Variants in IKBKE observed in about 807,000 individuals in gnomAD.
IKBKE encodes inhibitor of nuclear factor kappa-B kinase subunit epsilon.
IKBKE carries 45 observed loss-of-function variants against 92.1 expected under a neutral mutation model. That is an observed-to-expected ratio of 0.49 (90% CI 0.38 to 0.63). IKBKE has a LOEUF of 0.63. IKBKE is among the 20% of genes least tolerant of loss of function. The pLI, the probability that IKBKE is intolerant of heterozygous loss-of-function variation, is 0.00. For missense variants in IKBKE, 700 were observed against 932.8 expected, an observed-to-expected ratio of 0.75 and a Z score of 3.25; for synonymous variants, 374 against 380.3, an observed-to-expected ratio of 0.98 and a Z score of 0.19.
rs781838508 is a variant in IKBKE at position 206,474,801 on chromosome 1, T to C, written c.229-64T>C. The C allele has an allele frequency of 3.2e-6, 5 of 1,584,138 alleles. No homozygotes were observed. The Admixed American group carries it at 8.6e-5, about 27-fold the overall frequency. On this transcript the variant is annotated intron_variant, in intron 4 of 21. Transcript: ENST00000581977. ...GGCTCTGGGCTCCAGGCTGAGCCACTTCTTCCTGGTGGGTGGGGAGGAGAA... is the reference window on the plus strand; with the variant it reads ...GGCTCTGGGCTCCAGGCTGAGCCACCTCTTCCTGGTGGGTGGGGAGGAGAA...
chr1:206,476,853 A>T lies in IKBKE; in HGVS notation c.701+15A>T. On this transcript the variant is annotated intron_variant, in intron 7 of 21. Coordinates refer to ENST00000581977, the MANE Select transcript of IKBKE (RefSeq NM_014002.4). This position sits in a 1 kb window ranked among gnomAD's most constrained non-coding sequence, Gnocchi z 5.1. ...AAGGAGATCATGTACGGTGGGCCAC[A>T]GGGCAGGGAATGGGGCGGACTGGCA... The T allele has an allele frequency of 6.2e-7, 1 of 1,613,926 alleles. No homozygotes were observed. Among genetic ancestry groups the T allele is most frequent in the Non-Finnish European group, 8.5e-7 (1 of 1,179,814 alleles).
chr1:206,492,304 TC>T (rs1665985407), intron 18 of IKBKE: 1 of 392,952 alleles, frequency 2.5e-6, no homozygotes, highest in Admixed American at 3.2e-5. Flanking sequence ...CCACTCTCCA[TC>T]CCCTGCCTGT....
intron 17 of IKBKE, 44 bp from the exon 18 acceptor site, chr1:206,491,604 T>C (rs1247994286): frequency 1.5e-6 from 2 of 1,377,212 alleles, no homozygotes; most frequent in South Asian, 1.2e-5. Flanking sequence ...TTGTGCATAG[T>C]GGTTCTGGCA....
At position 206,490,751 on chromosome 1, in the gene IKBKE, G is replaced by C; in HGVS notation, c.1694-68G>C. On this transcript the variant is annotated intron_variant, in intron 16 of 21. Coordinates refer to ENST00000581977, the MANE Select transcript of IKBKE (RefSeq NM_014002.4). This position sits in a 1 kb window ranked among gnomAD's most constrained non-coding sequence, Gnocchi z 5.2. ...CGTCTTCATCTTTTAACTGTCTCTCGACCTTTGCTGCACACTGTTTCGTTG... is the reference window on the plus strand; with the variant it reads ...CGTCTTCATCTTTTAACTGTCTCTCCACCTTTGCTGCACACTGTTTCGTTG... The C allele has an allele frequency of 6.6e-7, 1 of 1,514,484 alleles. No individual in the cohort carries two copies. Among genetic ancestry groups the C allele is most frequent in the Non-Finnish European group, 9.2e-7 (1 of 1,089,486 alleles). 93.8% of individuals were successfully genotyped at this position (1,514,484 alleles called of 1,614,324 possible). A position where few individuals can be genotyped will look rare whatever the true frequency, so the allele number is the denominator to read the frequency against.
chr1:206,490,999 C>T lies in IKBKE; in HGVS notation c.1733+141C>T, dbSNP rs1387243785. The T allele has an allele frequency of 5.2e-6, 4 of 768,730 alleles. No individual in the cohort carries two copies. Among genetic ancestry groups the T allele is most frequent in the Non-Finnish European group, 9.1e-6 (4 of 441,168 alleles). 47.6% of individuals were successfully genotyped at this position (768,730 alleles called of 1,614,324 possible). A position where few individuals can be genotyped will look rare whatever the true frequency, so the allele number is the denominator to read the frequency against. On this transcript the variant is annotated intron_variant, in intron 17 of 21. Coordinates refer to ENST00000581977, the MANE Select transcript of IKBKE (RefSeq NM_014002.4). The surrounding 1 kb of genome is among the most constrained non-coding windows in gnomAD (Gnocchi z 5.2). ...AGCAGAGTTGGGGATAACAGGTTAT[C>T]TGGGGCCAGGGGAGGGAGTATGCAT...
Position 206,476,580 on chromosome 1 carries a change from TTC to T in IKBKE, c.541-96_541-95del, listed in dbSNP as rs1665075460. ...AGATGACAAAGAAGGATTTGAACAG[TTC>T]TGTTTTCACCTGCAGGCGGTGAAAG... On this transcript the variant is annotated intron_variant, in intron 6 of 21. Coordinates refer to ENST00000581977, the MANE Select transcript of IKBKE (RefSeq NM_014002.4). This position sits in a 1 kb window ranked among gnomAD's most constrained non-coding sequence, Gnocchi z 5.1. 4 of 1,418,146 alleles carry T rather than the reference TTC, an allele frequency of 2.8e-6. No homozygotes were observed. Among genetic ancestry groups the T allele is most frequent in the Non-Finnish European group, 3.9e-6 (4 of 1,025,616 alleles). The allele number at this position is 1,418,146 out of a possible 1,614,324, so 87.8% of individuals were successfully genotyped here.
Position 206,479,880 on chromosome 1 carries a change from C to A in IKBKE, c.1194C>A (p.Asp398Glu). The A allele has an allele frequency of 1.2e-6, 2 of 1,613,870 alleles. No homozygotes were observed. Among genetic ancestry groups the A allele is most frequent in the Non-Finnish European group, 1.7e-6 (2 of 1,179,984 alleles). ...KGLAFRDPAL[D>E]VPKFVPKVDL... ...GGTCTTTGTCTGCAGCTGCTCTGGA[C>A]GTCCCCAAGTTCGTCCCCAAAGTGG... Residue 398 changes from aspartate (D) to glutamate (E), a missense_variant, in exon 11 of 22, where the codon GAC (aspartate) becomes GAA (glutamate). By Grantham distance (45) the Asp-to-Glu change is conservative. Coordinates refer to ENST00000581977, the MANE Select transcript of IKBKE (RefSeq NM_014002.4).
rs552487696 is a variant in IKBKE, at chr1:206,474,666, T to C, written c.228+195T>C. On this transcript the variant is annotated intron_variant, in intron 4 of 21. Transcript: ENST00000581977. ...GGAAAGGAACGATGGACAGAATCAGTACCTAAGCAGAGGGCTTCCTGGAAT... is the reference window on the plus strand; with the variant it reads ...GGAAAGGAACGATGGACAGAATCAGCACCTAAGCAGAGGGCTTCCTGGAAT... 18 of 786,012 alleles carry C rather than the reference T, an allele frequency of 2.3e-5. No individual in the cohort carries two copies. The South Asian group carries it at 2.5e-4, about 11-fold the overall frequency. 48.7% of individuals were successfully genotyped at this position (786,012 alleles called of 1,614,324 possible).
Position 206,490,849 on chromosome 1 carries a change from A to G in IKBKE, c.1724A>G (p.Lys575Arg). The change falls in exon 17 of 22, where the codon AAG (lysine) becomes AGG (arginine). Residue 575 changes from lysine (K) to arginine (R), a missense_variant. By Grantham distance (26) the Lys-to-Arg change is conservative. Coordinates refer to ENST00000581977, the MANE Select transcript of IKBKE (RefSeq NM_014002.4). The surrounding 1 kb of genome is among the most constrained non-coding windows in gnomAD (Gnocchi z 5.2). ...GLGYNEEQIH[K>R]LDKVNFSHLA... ...GGCTACAACGAGGAGCAGATTCACA[A>G]GCTGGATAAGTGAGTGGCCTGTCCT... is the stretch of plus-strand genomic sequence containing the variant. 6.2e-7 allele frequency: 1 copy of G among 1,614,112 alleles called. No individual in the cohort carries two copies.
At chr1:206,479,504 G>A (rs956175876) in intron 10 of IKBKE, among the ~76,000 whole-genome samples, 1 of 152,220 alleles carries the variant, frequency 6.6e-6, no homozygotes, top group Admixed American at 6.5e-5. Flanking sequence ...GGGGTCCAGA[G>A]CTTGGGCCTC....
intron 13 of IKBKE, among the ~76,000 whole-genome samples, chr1:206,484,540 G>T (rs1270278409): frequency 1.3e-5 from 2 of 152,072 alleles, no homozygotes; most frequent in African/African-American, 2.4e-5. Context: ...CGATTTCACT[G>T]GGCAGCAAGA....
At chr1:206,473,493 CTTG>C (rs1287787708) in intron 3 of IKBKE, among the ~76,000 whole-genome samples, 179 bp downstream of exon 3, 1 of 152,222 alleles carries the variant, frequency 6.6e-6, no homozygotes, top group East Asian at 1.9e-4. Flanking sequence ...AAAACGGCTC[CTTG>C]AGAGGATGCC....
Position 206,479,112 on chromosome 1 carries a change from A to G in IKBKE, c.1162A>G (p.Lys388Glu). 1 of 1,608,330 alleles carries G rather than the reference A, an allele frequency of 6.2e-7. No homozygotes were observed. Among genetic ancestry groups the G allele is most frequent in the Non-Finnish European group, 8.5e-7 (1 of 1,177,292 alleles). The change falls in exon 10 of 22, where the codon AAG (lysine) becomes GAG (glutamate). Residue 388 changes from lysine to glutamate, a missense_variant. Coordinates refer to ENST00000581977, the MANE Select transcript of IKBKE (RefSeq NM_014002.4). Reference sequence around the variant, plus strand: ...GACCCTCTTCAGCACAGCCATCCCTAAGGGGCTGGCCTTCAGGGACCGTGA... The same window carrying G: ...GACCCTCTTCAGCACAGCCATCCCTGAGGGGCTGGCCTTCAGGGACCGTGA... ...PLTLFSTAIP[K>E]GLAFRDPALD... is the part of the protein sequence containing the mutation.
chr1:206,494,007 C>T lies in IKBKE; in HGVS notation c.2117+16C>T. The T allele has an allele frequency of 1.2e-6, 2 of 1,611,688 alleles. No homozygotes were observed. The highest frequency in any genetic ancestry group is 1.3e-5 in the African/African-American group (1 of 75,004). On this transcript the variant is annotated intron_variant, in intron 21 of 21. Coordinates refer to ENST00000581977, the MANE Select transcript of IKBKE (RefSeq NM_014002.4). ...TCATCGAACGGTAAGGAGCTTTCACCTTGTGTAGGTCAGGGCCGGGTCTTC... is the reference window on the plus strand; with the variant it reads ...TCATCGAACGGTAAGGAGCTTTCACTTTGTGTAGGTCAGGGCCGGGTCTTC...
At chr1:206,477,375 G>A (rs914360165) in intron 7 of IKBKE, among the ~76,000 whole-genome samples, 5 of 152,182 alleles carry the variant, frequency 3.3e-5, no homozygotes, top group East Asian at 1.9e-4. Flanking sequence ...CGCAAAAGGG[G>A]CAGAAGACCA....
rs41296004 is a variant in IKBKE, at chr1:206,474,174, G to A, written c.88-157G>A. Reference sequence around the variant, plus strand: ...TCTCTACCCCTTGAGAGGGAAAGGCGGTGCGGATGGGAGCCCCCATCCAAC... The same window carrying A: ...TCTCTACCCCTTGAGAGGGAAAGGCAGTGCGGATGGGAGCCCCCATCCAAC... On this transcript the variant is annotated intron_variant, in intron 3 of 21. Transcript: ENST00000581977. Among the ~76,000 whole-genome samples, 322 of 152,206 alleles carry A rather than the reference G, an allele frequency of 2.1e-3. 2 individuals are homozygous for A. The highest frequency in any genetic ancestry group is 7.2e-3 in the African/African-American group (298 of 41,520).
At chr1:206,477,426 G>A (rs545317733) in intron 7 of IKBKE, among the ~76,000 whole-genome samples, 37 of 152,282 alleles carry the variant, frequency 2.4e-4, no homozygotes, top group African/African-American at 7.7e-4. Flanking sequence ...ACTCTGAAGG[G>A]AAAGAAAGAG....
rs1340521163 is a variant in IKBKE at position 206,490,562 on chromosome 1, GCCCTGCACTGCAGGCTGCCTTC to G, written c.1694-251_1694-230del. Among the ~76,000 whole-genome samples the G allele has an allele frequency of 3.3e-5, 5 of 152,112 alleles. No homozygotes were observed. The East Asian group carries it at 9.6e-4, about 29-fold the overall frequency. ...AAGCATCCCCCACGTCCCCACCCCG[GCCCTGCACTGCAGGCTGCCTTC>G]CCCTGGGGCCCTCACACAATTTCCC... On this transcript the variant is annotated intron_variant, in intron 16 of 21. Coordinates refer to ENST00000581977, the MANE Select transcript of IKBKE (RefSeq NM_014002.4). The surrounding 1 kb of genome is among the most constrained non-coding windows in gnomAD (Gnocchi z 5.2).
chr1:206,479,813 G>A (rs1401927754), intron 10 of IKBKE, 57 bp from the exon 11 acceptor site: 84 of 1,568,092 alleles, frequency 5.4e-5, no homozygotes, highest in Non-Finnish European at 7.3e-5. Flanking sequence ...AATAATGAAA[G>A]ATAAGCCGAC....
Sources: gnomAD v4.1 joint callset for allele counts (sites outside exome capture counted in the v4.1 genomes callset) on GRCh38, gnomAD v4.1.1 for gene constraint, Gnocchi (gnomAD v3.1) non-coding constraint, MANE v1.5 for transcripts, NCBI Gene and HGNC (gene_info 2026-07-23, HGNC 2026-07-21) for gene names.